The following EXOC4 variants were observed in gnomAD, a reference collection of about 807,000 sequenced individuals.
EXOC4 encodes the protein SEC8-like 1.
EXOC4 carries 71 observed loss-of-function variants against 107.2 expected under a neutral mutation model. The observed-to-expected ratio is 0.66, with a 90% CI of 0.55 to 0.81. EXOC4 has a LOEUF of 0.81. EXOC4 is among the 30% of genes least tolerant of loss of function. The probability of loss-of-function intolerance (pLI) is 0.00; values close to 1 mark genes in which losing one functional copy is unlikely to be tolerated. For synonymous variants in EXOC4, 456 were observed against 441.2 expected (o/e 1.03, Z -0.42); for missense variants, 1,108 against 1,189.6 (o/e 0.93, Z 1.01).
intron 10 of EXOC4, among the ~76,000 whole-genome samples, chr7:133,694,862 T>C (rs1794498323): frequency 6.6e-6 from 1 of 152,162 alleles, no homozygotes; most frequent in Non-Finnish European, 1.5e-5. Context: ...CCCTTCCCAC[T>C]ACCTTTTCTT....
intron 14 of EXOC4, among the ~76,000 whole-genome samples, chr7:133,963,759 G>A (rs1800999619): frequency 6.6e-6 from 1 of 152,204 alleles, no homozygotes; most frequent in African/African-American, 2.4e-5. Context: ...CTTTAAGCCT[G>A]CTCTGTGCCC....
chr7:133,596,208 G>A lies in EXOC4; in HGVS notation c.1418-33837G>A, dbSNP rs559631177. Among the ~76,000 whole-genome samples, 3 of 152,088 alleles carry A rather than the reference G, an allele frequency of 2.0e-5. No individual in the cohort carries two copies. The East Asian group carries it at 5.8e-4, about 29-fold the overall frequency. On this transcript the variant is annotated intron_variant, in intron 9 of 17. Coordinates refer to ENST00000253861, the MANE Select transcript of EXOC4 (RefSeq NM_021807.4). ...TTGCTATTTAGTGAAAACTCTATTT[G>A]GTTATTTTATTTCACATTGGAAAAA... is the stretch of plus-strand genomic sequence containing the variant.
chr7:133,315,207 A>T (rs1794963246), intron 4 of EXOC4: 1 of 152,518 alleles, frequency 6.6e-6, no homozygotes. Flanking sequence ...ACTTGTTCAC[A>T]CTGTGAGGTT....
At chr7:133,589,593 G>A (rs893155430) in intron 9 of EXOC4, among the ~76,000 whole-genome samples, 3 of 152,208 alleles carry the variant, frequency 2.0e-5, no homozygotes, top group Admixed American at 6.5e-5. Context: ...GTTTTGCCAT[G>A]CAGAGTAGAA....
chr7:133,639,252 T>C (rs1802788005), intron 10 of EXOC4, among the ~76,000 whole-genome samples: 1 of 152,156 alleles, frequency 6.6e-6, no homozygotes. Flanking sequence ...CCCTTGCTCC[T>C]CAGAAAACAG....
rs1194749189 is a variant in EXOC4 at position 133,616,773 on chromosome 7, A to G, written c.1418-13272A>G. 2.6e-5 allele frequency among the ~76,000 whole-genome samples: 4 copies of G among 152,196 alleles called. No individual in the cohort carries two copies. The East Asian group carries it at 7.7e-4, about 29-fold the overall frequency. ...AACATACAGTTCATTCTCATTTAGA[A>G]TCTGCTAGAATTATCATCGATATCA... On this transcript the variant is annotated intron_variant, in intron 9 of 17. Transcript: ENST00000253861.
intron 10 of EXOC4, among the ~76,000 whole-genome samples, chr7:133,785,296 TA>T (rs34697983): frequency 0.98 from 148,747 of 151,718 alleles, 72,951 homozygotes; most frequent in East Asian, 1. Context: ...TTTTAAATAT[TA>T]AAAAAAAAAT....
chr7:133,422,225 G>T (rs919958353), intron 7 of EXOC4, among the ~76,000 whole-genome samples: 10 of 152,106 alleles, frequency 6.6e-5, no homozygotes, highest in African/African-American at 2.4e-4. Flanking sequence ...GTAGGCAGAG[G>T]ACAATACAAT....
At chr7:133,364,924 GT>G (rs1796218609) in intron 6 of EXOC4, among the ~76,000 whole-genome samples, 1 of 152,164 alleles carries the variant, frequency 6.6e-6, no homozygotes, top group South Asian at 2.1e-4. Context: ...CACCATGTAA[GT>G]TTGCTTTCTG....
intron 9 of EXOC4, among the ~76,000 whole-genome samples, chr7:133,604,444 C>T (rs945865104): frequency 7.2e-5 from 11 of 151,988 alleles, no homozygotes; most frequent in Admixed American, 3.9e-4. Flanking sequence ...TATTGCATTG[C>T]ATTGTGAGAT....
At chr7:133,635,368 T>A (rs1389764616) in intron 10 of EXOC4, among the ~76,000 whole-genome samples, 1 of 152,206 alleles carries the variant, frequency 6.6e-6, no homozygotes, top group Non-Finnish European at 1.5e-5. Flanking sequence ...TCTCTTTGTG[T>A]TTTCATTCAT....
At chr7:133,345,069 T>C (rs1795753506) in intron 5 of EXOC4, among the ~76,000 whole-genome samples, 1 of 152,204 alleles carries the variant, frequency 6.6e-6, no homozygotes, top group Non-Finnish European at 1.5e-5. Context: ...GATGGAGACA[T>C]AAGCAACCAC....
chr7:134,013,731 A>G (rs1032166778), intron 17 of EXOC4, among the ~76,000 whole-genome samples: 4 of 152,246 alleles, frequency 2.6e-5, no homozygotes, highest in African/African-American at 9.6e-5. Context: ...ATTTCAGAGA[A>G]CATTTATCCA....
chr7:133,584,533 T>C (rs1801350870), intron 9 of EXOC4, among the ~76,000 whole-genome samples: 1 of 151,846 alleles, frequency 6.6e-6, no homozygotes, highest in Non-Finnish European at 1.5e-5. Flanking sequence ...TTTTCCCACT[T>C]GTGTCACTAT....
At chr7:133,878,208 A>G (rs56361791) in intron 11 of EXOC4, among the ~76,000 whole-genome samples, 21,082 of 152,130 alleles carry the variant, frequency 0.14, 1,634 homozygotes, top group African/African-American at 0.19. Context: ...ATATGTAGTC[A>G]ATTTTGCATT....
rs543180754 is a variant in EXOC4 at position 133,938,126 on chromosome 7, T to C, written c.2206+57T>C. 3 of 1,563,054 alleles carry C rather than the reference T, an allele frequency of 1.9e-6. No homozygotes were observed. The East Asian group carries it at 6.7e-5, about 35-fold the overall frequency. On this transcript the variant is annotated intron_variant, in intron 14 of 17. Coordinates refer to ENST00000253861, the MANE Select transcript of EXOC4 (RefSeq NM_021807.4). ...CAGTTGAGGAACTAGACTGAATGCA[T>C]TCATTGAAAGATGAGAGTGTACACT... is the stretch of plus-strand genomic sequence containing the variant.
intron 6 of EXOC4, among the ~76,000 whole-genome samples, chr7:133,372,782 A>G (rs144474680): frequency 2.0e-4 from 31 of 152,336 alleles, no homozygotes; most frequent in Non-Finnish European, 4.0e-4. Flanking sequence ...TCTGAATGTC[A>G]TGGATCAATA....
chr7:133,535,100 T>C (rs180872340), intron 9 of EXOC4, among the ~76,000 whole-genome samples: 1 of 152,250 alleles, frequency 6.6e-6, no homozygotes, highest in African/African-American at 2.4e-5. Context: ...TTGAAAACAA[T>C]CTTTTTGAGT....
intron 7 of EXOC4, among the ~76,000 whole-genome samples, chr7:133,413,255 G>T (rs1797402467): frequency 6.6e-6 from 1 of 151,992 alleles, no homozygotes; most frequent in Non-Finnish European, 1.5e-5. Flanking sequence ...TCCAATGAAG[G>T]TTATGATGAA....
Sources: gnomAD v4.1 joint callset for allele counts (sites outside exome capture counted in the v4.1 genomes callset) on GRCh38, gnomAD v4.1.1 for gene constraint, MANE v1.5 for transcripts, NCBI Gene and HGNC (gene_info 2026-07-23, HGNC 2026-07-21) for gene names.